The following ATP10A variants were observed in gnomAD, a reference collection of about 807,000 sequenced individuals.
The protein encoded by ATP10A is ATPase phospholipid transporting 10A (putative).
ATP10A carries 111 observed loss-of-function variants against 147.8 expected under a neutral mutation model. The observed-to-expected ratio is 0.75, with a 90% confidence interval of 0.64 to 0.88. The LOEUF (loss-of-function observed/expected upper bound fraction) is 0.88. ATP10A is among the 40% of genes least tolerant of loss of function. ATP10A has a pLI of 0.00. For synonymous variants in ATP10A, 875 were observed against 841.6 expected (o/e 1.04, Z -0.69); for missense variants, 1,927 against 1,959.0 (o/e 0.98, Z 0.31).
intron 1 of ATP10A, among the ~76,000 whole-genome samples, chr15:25,857,211 A>G (rs1375252579): frequency 2.0e-5 from 3 of 152,232 alleles, no homozygotes; most frequent in African/African-American, 7.2e-5. Flanking sequence ...TGGGAGGTCA[A>G]GGAAGGAAGA....
intron 1 of ATP10A, among the ~76,000 whole-genome samples, chr15:25,858,183 G>A (rs1318073926): frequency 1.3e-5 from 2 of 152,210 alleles, no homozygotes; most frequent in Non-Finnish European, 1.5e-5. Context: ...CCTACCTACA[G>A]GGATGTCAAC....
chr15:25,763,652 A>T (rs1888873285), intron 2 of ATP10A, among the ~76,000 whole-genome samples: 1 of 152,236 alleles, frequency 6.6e-6, no homozygotes, highest in African/African-American at 2.4e-5. Context: ...CAAGACACTG[A>T]TTCTGCAGCA....
At chr15:25,813,946 C>T (rs1455180688) in intron 1 of ATP10A, among the ~76,000 whole-genome samples, 2 of 151,542 alleles carry the variant, frequency 1.3e-5, no homozygotes, top group African/African-American at 4.9e-5. Flanking sequence ...GTTTGGGGGG[C>T]GGTGGGAAAC....
At chr15:25,859,969 A>C (rs1280502863) in intron 1 of ATP10A, among the ~76,000 whole-genome samples, 1 of 152,158 alleles carries the variant, frequency 6.6e-6, no homozygotes, top group Non-Finnish European at 1.5e-5. Flanking sequence ...CACAGCAGCT[A>C]GAGCAGCAAC....
At chr15:25,792,147 T>C (rs1397325648) in intron 1 of ATP10A, among the ~76,000 whole-genome samples, 1 of 152,232 alleles carries the variant, frequency 6.6e-6, no homozygotes, top group Non-Finnish European at 1.5e-5. Flanking sequence ...ACATACCCAC[T>C]CTGTTACAGA....
At chr15:25,810,343 G>A (rs1170378979) in intron 1 of ATP10A, among the ~76,000 whole-genome samples, 1 of 152,136 alleles carries the variant, frequency 6.6e-6, no homozygotes, top group African/African-American at 2.4e-5. Flanking sequence ...GTCACCTACC[G>A]GGACCAAGCC....
intron 2 of ATP10A, among the ~76,000 whole-genome samples, chr15:25,751,095 T>A (rs973076195): frequency 3.3e-5 from 5 of 152,002 alleles, no homozygotes; most frequent in African/African-American, 7.3e-5. Flanking sequence ...TCTAAAAAAA[T>A]GCACTTTAAA....
chr15:25,768,925 A>T (rs1889179778), intron 2 of ATP10A, among the ~76,000 whole-genome samples: 5 of 152,156 alleles, frequency 3.3e-5, no homozygotes, highest in Admixed American at 3.3e-4. Flanking sequence ...TTGCTTCCGT[A>T]GAAATTATGT....
intron 1 of ATP10A, among the ~76,000 whole-genome samples, chr15:25,837,579 G>A (rs1357620317): frequency 6.6e-6 from 1 of 152,210 alleles, no homozygotes; most frequent in African/African-American, 2.4e-5. Flanking sequence ...CCATGTAGTA[G>A]ATGTTGATGC....
Position 25,711,051 on chromosome 15 carries a change from C to A in ATP10A, c.2344+2623G>T, listed in dbSNP as rs147649197. ...AGTGAGTGACTCGTCCAGGGTCATC[C>A]CAGCCGTAAGTGTAGACCTGGGATT... On this transcript the variant is annotated intron_variant, in intron 10 of 20. Transcript: ENST00000555815. 2.4e-3 allele frequency among the ~76,000 whole-genome samples: 366 copies of A among 152,204 alleles called. 2 individuals are homozygous for A. Among genetic ancestry groups the A allele is most frequent in the African/African-American group, 8.3e-3 (346 of 41,530 alleles).
chr15:25,735,348 C>T (rs1596786710), intron 3 of ATP10A, among the ~76,000 whole-genome samples: 1 of 152,112 alleles, frequency 6.6e-6, no homozygotes, highest in African/African-American at 2.4e-5. Flanking sequence ...TGACCACACA[C>T]ACACACACAC....
chr15:25,790,285 A>C (rs1006727968), intron 1 of ATP10A, among the ~76,000 whole-genome samples: 4 of 152,186 alleles, frequency 2.6e-5, no homozygotes, highest in Non-Finnish European at 4.4e-5. Context: ...TGTAGACTAG[A>C]TGCACAAAAT....
At chr15:25,682,998 A>G (rs897106159) in intron 17 of ATP10A, among the ~76,000 whole-genome samples, 21 of 152,112 alleles carry the variant, frequency 1.4e-4, no homozygotes, top group Non-Finnish European at 1.2e-4. Context: ...TTGCTTTAGA[A>G]AAATCCCCCC....
chr15:25,796,834 G>A (rs988259058), intron 1 of ATP10A, among the ~76,000 whole-genome samples: 5 of 152,168 alleles, frequency 3.3e-5, no homozygotes, highest in South Asian at 4.1e-4. Context: ...TCCTCCTTCC[G>A]TAGCTTTGGA....
chr15:25,719,725 G>T (rs1009210235), intron 7 of ATP10A, among the ~76,000 whole-genome samples: 1 of 152,102 alleles, frequency 6.6e-6, no homozygotes, highest in African/African-American at 2.4e-5. Flanking sequence ...ATGTCCCCAG[G>T]AAAGATGAGG....
At chr15:25,724,892 T>A (rs1009435355) in intron 5 of ATP10A, among the ~76,000 whole-genome samples, 1 of 152,220 alleles carries the variant, frequency 6.6e-6, no homozygotes, top group African/African-American at 2.4e-5. Context: ...AAAAATTATA[T>A]CTGTGTGTAT....
At chr15:25,687,934 T>C in intron 15 of ATP10A, 106 bp from the exon 16 acceptor site, 1 of 1,536,412 alleles carries the variant, frequency 6.5e-7, no homozygotes, top group South Asian at 1.1e-5. Flanking sequence ...AAATCCCCAT[T>C]CTGAACACAG....
chr15:25,699,333 C>T (rs4906748), intron 13 of ATP10A, among the ~76,000 whole-genome samples: 15,702 of 152,096 alleles, frequency 0.1, 927 homozygotes, highest in South Asian at 0.25. Context: ...TTGACAAAGA[C>T]GCTTTCAACC....
chr15:25,814,394 G>A (rs1252521038), intron 1 of ATP10A, among the ~76,000 whole-genome samples: 1 of 152,164 alleles, frequency 6.6e-6, no homozygotes. Context: ...AGTCCTTCAG[G>A]CAGAAGGAAA....
Sources: allele counts gnomAD v4.1 joint callset (sites outside exome capture counted in the v4.1 genomes callset), GRCh38; gene constraint gnomAD v4.1.1; transcripts MANE v1.5; gene names NCBI Gene and HGNC (gene_info 2026-07-23, HGNC 2026-07-21).